The following CLDN10 variants were observed in gnomAD, a reference collection of about 807,000 sequenced individuals.
CLDN10 encodes the protein claudin 10, also known as claudin-10.
CLDN10 carries 15 observed loss-of-function variants against 22.9 expected under a neutral mutation model. That is an observed-to-expected ratio of 0.65 (90% CI 0.44 to 1.01). The LOEUF (loss-of-function observed/expected upper bound fraction) is 1.01. Among genes scored for constraint, CLDN10 ranks in the 50% least tolerant of loss-of-function variants. The pLI, the probability that CLDN10 is intolerant of heterozygous loss-of-function variation, is 0.00. For missense variants in CLDN10, 247 were observed against 287.8 expected (o/e 0.86, Z 1.03); for synonymous variants, 114 against 111.4 (o/e 1.02, Z -0.15).
chr13:95,511,929 A>G (rs913900535), intron 1 of CLDN10, among the ~76,000 whole-genome samples: 3 of 140,492 alleles, frequency 2.1e-5, no homozygotes, highest in African/African-American at 7.5e-5. Flanking sequence ...TACATGTGCC[A>G]TGTTGGTGTG....
intron 3 of CLDN10, among the ~76,000 whole-genome samples, chr13:95,568,918 C>T (rs946393616): frequency 1.3e-5 from 2 of 152,212 alleles, no homozygotes; most frequent in Middle Eastern, 6.8e-3. Context: ...AGTAAACCCT[C>T]GCTCTGCCAC....
intron 1 of CLDN10, among the ~76,000 whole-genome samples, chr13:95,540,748 T>C (rs1052202817): frequency 1.3e-5 from 2 of 152,184 alleles, no homozygotes; most frequent in African/African-American, 4.8e-5. Context: ...ACTTAATAGC[T>C]TGAGTAATTG....
chr13:95,448,282 A>G (rs546542540), intron 1 of CLDN10, among the ~76,000 whole-genome samples: 1 of 152,282 alleles, frequency 6.6e-6, no homozygotes, highest in East Asian at 1.9e-4. Flanking sequence ...ACACACATAC[A>G]CAAACATAGC....
chr13:95,524,959 A>G (rs1305521227), intron 1 of CLDN10, among the ~76,000 whole-genome samples: 1 of 151,706 alleles, frequency 6.6e-6, no homozygotes, highest in East Asian at 1.9e-4. Context: ...CCCCGGGTTC[A>G]AGCAATTCTC....
intron 3 of CLDN10, among the ~76,000 whole-genome samples, chr13:95,570,289 CACTT>C (rs1274723437): frequency 1.3e-5 from 2 of 152,170 alleles, no homozygotes; most frequent in East Asian, 1.9e-4. Context: ...CCTCATTTCT[CACTT>C]ACGGCCAAGC....
chr13:95,530,705 A>G (rs548510578), intron 1 of CLDN10, among the ~76,000 whole-genome samples: 2 of 152,302 alleles, frequency 1.3e-5, no homozygotes, highest in South Asian at 4.1e-4. Flanking sequence ...TATATTTTTT[A>G]TTGTTTTATC....
At chr13:95,446,581 C>A (rs1299764868) in intron 1 of CLDN10, among the ~76,000 whole-genome samples, 4 of 152,234 alleles carry the variant, frequency 2.6e-5, no homozygotes, top group African/African-American at 9.6e-5. Flanking sequence ...GTGGCTCACG[C>A]CTGTAATCCC....
chr13:95,449,298 C>T (rs773591303), intron 1 of CLDN10, among the ~76,000 whole-genome samples: 1 of 151,768 alleles, frequency 6.6e-6, no homozygotes, highest in Non-Finnish European at 1.5e-5. Context: ...GTTGCCCAGG[C>T]TGGAGTGCAG....
At chr13:95,497,483 T>TA (rs2042941279) in intron 1 of CLDN10, among the ~76,000 whole-genome samples, 1 of 152,148 alleles carries the variant, frequency 6.6e-6, no homozygotes, top group Non-Finnish European at 1.5e-5. Context: ...GCAGAGCTGT[T>TA]ACTCTGCAAA....
intron 1 of CLDN10, among the ~76,000 whole-genome samples, chr13:95,489,042 C>T (rs2042839601): frequency 6.7e-6 from 1 of 148,282 alleles, no homozygotes; most frequent in African/African-American, 2.5e-5. Flanking sequence ...ACCTCCGGCT[C>T]CTGGGTTCAA....
intron 1 of CLDN10, among the ~76,000 whole-genome samples, chr13:95,483,318 T>C (rs118123473): frequency 6.6e-6 from 1 of 152,106 alleles, no homozygotes; most frequent in Non-Finnish European, 1.5e-5. Flanking sequence ...CTAAGCTTAT[T>C]TCTCAATTTC....
intron 1 of CLDN10, among the ~76,000 whole-genome samples, chr13:95,468,053 C>A (rs911810954): frequency 3.3e-5 from 5 of 152,170 alleles, no homozygotes; most frequent in Non-Finnish European, 7.3e-5. Context: ...ATATTAATCT[C>A]ATCTAAAAAC....
chr13:95,548,124 C>G (rs1052006816), upstream of CLDN10, among the ~76,000 whole-genome samples: 1 of 152,194 alleles, frequency 6.6e-6, no homozygotes, highest in Admixed American at 6.5e-5. Context: ...CATACTGCCC[C>G]GACCTGGGTG....
intron 1 of CLDN10, among the ~76,000 whole-genome samples, chr13:95,525,087 G>A (rs71433087): frequency 0.1 from 15,164 of 151,990 alleles, 928 homozygotes; most frequent in Middle Eastern, 0.13. Context: ...TCGAACTCCC[G>A]ACCTCAGGTG....
At chr13:95,541,198 G>A (rs181744851) in intron 1 of CLDN10, among the ~76,000 whole-genome samples, 19 of 152,344 alleles carry the variant, frequency 1.2e-4, no homozygotes, top group Non-Finnish European at 1.8e-4. Context: ...GAAAATAAAC[G>A]GAACTCGTCT....
chr13:95,505,591 ACTCAAAG>A, intron 1 of CLDN10, among the ~76,000 whole-genome samples: 1 of 152,140 alleles, frequency 6.6e-6, no homozygotes, highest in East Asian at 1.9e-4. Flanking sequence ...AGCAAATACA[ACTCAAAG>A]CTCTCATCTC....
At chr13:95,475,325 G>T (rs1265847157) in intron 1 of CLDN10, among the ~76,000 whole-genome samples, 1 of 152,326 alleles carries the variant, frequency 6.6e-6, no homozygotes, top group East Asian at 1.9e-4. Context: ...CAAAAGGGGA[G>T]CACCTGGTCC....
At chr13:95,532,623 G>A (rs2138607701) in intron 1 of CLDN10, among the ~76,000 whole-genome samples, 1 of 151,936 alleles carries the variant, frequency 6.6e-6, no homozygotes, top group South Asian at 2.1e-4. Context: ...CTCCCACCCA[G>A]TAATTCTGAT....
chr13:95,484,880 A>G (rs1272149427), intron 1 of CLDN10, among the ~76,000 whole-genome samples: 1,687 of 148,666 alleles, frequency 0.011, 21 homozygotes, highest in African/African-American at 0.024. Flanking sequence ...AAAAAAAAAA[A>G]AAAAAAAAAA....
Sources: allele counts gnomAD v4.1 joint callset (sites outside exome capture counted in the v4.1 genomes callset), GRCh38; gene constraint gnomAD v4.1.1; transcripts MANE v1.5; gene names NCBI Gene and HGNC (gene_info 2026-07-23, HGNC 2026-07-21).